Variants in GNAI3 observed in about 807,000 individuals in gnomAD.
The protein encoded by GNAI3 is G protein subunit alpha i3, also known as guanine nucleotide-binding protein G(i) subunit alpha-3.
A neutral mutation model predicts 41.8 loss-of-function variants in GNAI3; 12 were observed. The observed-to-expected ratio is 0.29, with a 90% CI of 0.18 to 0.47. GNAI3 has a LOEUF of 0.47. Among genes scored for constraint, GNAI3 ranks in the 20% least tolerant of loss-of-function variants. GNAI3 has a pLI of 1.00. For synonymous variants in GNAI3, 132 were observed against 146.5 expected (o/e 0.90, Z 0.71); for missense variants, 360 against 429.6 (o/e 0.84, Z 1.43).
At chr1:109,586,454 A>G in intron 6 of GNAI3, 109 bp downstream of exon 6, 1 of 1,127,042 alleles carries the variant, frequency 8.9e-7, no homozygotes, top group Non-Finnish European at 1.3e-6. Context: ...AAAACTTAGT[A>G]TCTTTAATTT....
At chr1:109,579,439 A>G in intron 4 of GNAI3, 78 bp downstream of exon 4, 3 of 1,010,426 alleles carry the variant, frequency 3.0e-6, no homozygotes, top group Non-Finnish European at 4.5e-6. Context: ...CCACTTAAGG[A>G]AATGTTTAAG....
At chr1:109,562,672 T>C (rs1029853840) in intron 1 of GNAI3, among the ~76,000 whole-genome samples, 1 of 152,228 alleles carries the variant, frequency 6.6e-6, no homozygotes, top group East Asian at 1.9e-4. Context: ...ACTCAGTTTG[T>C]AGTGTTTGCT....
intron 5 of GNAI3, among the ~76,000 whole-genome samples, chr1:109,585,531 A>AT (rs999294182): frequency 1.6e-4 from 24 of 149,810 alleles, no homozygotes; most frequent in East Asian, 1.2e-3. Context: ...TTAATCTCTA[A>AT]TTTTTTTTTT....
In GNAI3 at chr1:109,553,988, A is replaced by G. The variant is rs539604011; in HGVS notation, c.118+5150A>G. 1.6e-4 allele frequency among the ~76,000 whole-genome samples: 24 copies of G among 152,336 alleles called. No homozygotes were observed. In the South Asian group the frequency reaches 3.1e-3, roughly 20 times the overall value. ...TTTCCATTCCTGAGTTACTTCACTT[A>G]GAGTAATCGTCTCCAGTTCCATCCA... On this transcript the variant is annotated intron_variant, in intron 1 of 8. Coordinates refer to ENST00000369851, the MANE Select transcript of GNAI3 (RefSeq NM_006496.4).
At chr1:109,591,477 C>T in intron 7 of GNAI3, 1 of 1,039,252 alleles carries the variant, frequency 9.6e-7, no homozygotes, top group Non-Finnish European at 1.5e-6. Flanking sequence ...TAGTTGGAGA[C>T]ACTTTGTAGC....
At chr1:109,577,179 A>G (rs72987033) in intron 3 of GNAI3, among the ~76,000 whole-genome samples, 7,766 of 151,690 alleles carry the variant, frequency 0.051, 651 homozygotes, top group African/African-American at 0.18. Context: ...ATGTTTGCCA[A>G]TTTGTCTAAT....
intron 4 of GNAI3, among the ~76,000 whole-genome samples, chr1:109,581,847 C>T (rs573702827): frequency 6.6e-6 from 1 of 152,142 alleles, no homozygotes; most frequent in Admixed American, 6.5e-5. Context: ...CGAGTTCGCA[C>T]CACTGCACTG....
rs1234328801 is a variant in GNAI3 at position 109,595,474 on chromosome 1, AT to A, written c.*3156del. ...ACAATGTAAGACTAGATGGACCAAA[AT>A]TTTAAAAAAAACTTCTTGCCTTGTT... is the stretch of plus-strand genomic sequence containing the variant. On this transcript the variant is annotated 3_prime_UTR_variant, in exon 9 of 9. Coordinates refer to ENST00000369851, the MANE Select transcript of GNAI3 (RefSeq NM_006496.4). The A allele has an allele frequency of 6.6e-6, 1 of 152,180 alleles. No homozygotes were observed. The highest frequency in any genetic ancestry group is 2.4e-5 in the African/African-American group (1 of 41,438). The allele number at this position is 152,180 out of a possible 1,614,324, so 9.4% of individuals were successfully genotyped here. A position where few individuals can be genotyped will look rare whatever the true frequency, so the allele number is the denominator to read the frequency against.
Position 109,598,502 on chromosome 1 carries a change from T to C in GNAI3, c.*6180T>C, listed in dbSNP as rs1649369994. 7.0e-5 allele frequency: 11 copies of C among 156,360 alleles called. No homozygotes were observed. The South Asian group carries it at 1.9e-3, about 27-fold the overall frequency. 9.7% of individuals were successfully genotyped at this position (156,360 alleles called of 1,614,324 possible). On this transcript the variant is annotated 3_prime_UTR_variant, in exon 9 of 9. Transcript: ENST00000369851. ...TGAAAATGCTTTGTAAATGTTATGA[T>C]ACTCAGGATTATACTGCACAGAAAA...
At chr1:109,551,895 C>G (rs906850122) in intron 1 of GNAI3, among the ~76,000 whole-genome samples, 1 of 152,072 alleles carries the variant, frequency 6.6e-6, no homozygotes, top group African/African-American at 2.4e-5. Flanking sequence ...GGCGTGGTGG[C>G]TCCTGGCTGT....
chr1:109,564,079 A>G (rs529861521), intron 1 of GNAI3, among the ~76,000 whole-genome samples: 160 of 149,596 alleles, frequency 1.1e-3, no homozygotes, highest in African/African-American at 3.7e-3. Context: ...AAGAAAACTC[A>G]TTCAAACTAG....
At chr1:109,559,577 A>G (rs1648254328) in intron 1 of GNAI3, among the ~76,000 whole-genome samples, 1 of 152,246 alleles carries the variant, frequency 6.6e-6, no homozygotes, top group East Asian at 1.9e-4. Context: ...GATTGAAGTT[A>G]GCTTAACATC....
intron 3 of GNAI3, among the ~76,000 whole-genome samples, chr1:109,574,354 ATAATC>A (rs1648684033): frequency 6.6e-6 from 1 of 151,968 alleles, no homozygotes; most frequent in African/African-American, 2.4e-5. Context: ...GTACATTAAA[ATAATC>A]TAAGAGAAAG....
chr1:109,580,025 G>A (rs997120149), intron 4 of GNAI3, among the ~76,000 whole-genome samples: 5 of 151,736 alleles, frequency 3.3e-5, no homozygotes, highest in African/African-American at 9.7e-5. Flanking sequence ...GTTTTGAGAC[G>A]GAGTCTCGCT....
chr1:109,550,453 A>G (rs1365103308), intron 1 of GNAI3, among the ~76,000 whole-genome samples: 6 of 152,170 alleles, frequency 3.9e-5, no homozygotes. Flanking sequence ...TTTACTGTTA[A>G]CCAGCCTGAG....
intron 5 of GNAI3, among the ~76,000 whole-genome samples, chr1:109,585,854 T>A (rs1649021954): frequency 6.6e-6 from 1 of 152,116 alleles, no homozygotes; most frequent in African/African-American, 2.4e-5. Flanking sequence ...AATATACCAT[T>A]ATTATTATTA....
chr1:109,577,621 T>G (rs1179019524), intron 3 of GNAI3, among the ~76,000 whole-genome samples: 3 of 152,126 alleles, frequency 2.0e-5, no homozygotes, highest in Non-Finnish European at 4.4e-5. Flanking sequence ...CATGCCACCC[T>G]GAATGCGCCT....
rs534654487 is a variant in GNAI3 at position 109,566,665 on chromosome 1, G to A, written c.119-7072G>A. Among the ~76,000 whole-genome samples, 197 of 152,206 alleles carry A rather than the reference G, an allele frequency of 1.3e-3. 1 individual carries two copies. Among genetic ancestry groups the A allele is most frequent in the African/African-American group, 4.6e-3 (191 of 41,540 alleles). ...CAACCTCCACCTCCTGGATTCAAGC[G>A]ATTCTCCTGCCTCAGCCTCCTGAAT... On this transcript the variant is annotated intron_variant, in intron 1 of 8. Coordinates refer to ENST00000369851, the MANE Select transcript of GNAI3 (RefSeq NM_006496.4).
rs1445782005 is a variant in GNAI3 at position 109,599,812 on chromosome 1, A to G, written c.*7490A>G. On this transcript the variant is annotated 3_prime_UTR_variant, in exon 9 of 9. Transcript: ENST00000369851. ...GAGACGGCATAATGAAAAAATGACC[A>G]AGAATTTGGTTGGGAATGGGAGGAG... 1 of 152,198 alleles carries G rather than the reference A, an allele frequency of 6.6e-6. No homozygotes were observed. The highest frequency in any genetic ancestry group is 1.9e-4 in the East Asian group (1 of 5,204). The allele number at this position is 152,198 out of a possible 1,614,324, so 9.4% of individuals were successfully genotyped here. A position where few individuals can be genotyped will look rare whatever the true frequency, so the allele number is the denominator to read the frequency against.
Sources: allele counts gnomAD v4.1 joint callset (sites outside exome capture counted in the v4.1 genomes callset), GRCh38; gene constraint gnomAD v4.1.1; transcripts MANE v1.5; gene names NCBI Gene and HGNC (gene_info 2026-07-23, HGNC 2026-07-21).